The following MVB12B variants were observed in gnomAD, a reference collection of about 807,000 sequenced individuals.
MVB12B encodes the protein ESCRT-I complex subunit MVB12B.
MVB12B carries 16 observed loss-of-function variants against 41.6 expected under a neutral mutation model. That is an observed-to-expected ratio of 0.38 (90% CI 0.26 to 0.58). The LOEUF (loss-of-function observed/expected upper bound fraction) is 0.58, where lower values mean the gene tolerates loss of function less well. Ranked by LOEUF, MVB12B falls within the 20% of genes least tolerant of loss-of-function variation. MVB12B has a pLI of 0.62. For synonymous variants in MVB12B, 133 were observed against 139.7 expected (o/e 0.95, Z 0.34); for missense variants, 274 against 380.2 (o/e 0.72, Z 2.32).
chr9:126,502,817 C>T (rs1462128432), intron 9 of MVB12B, among the ~76,000 whole-genome samples: 1 of 152,202 alleles, frequency 6.6e-6, no homozygotes, highest in Non-Finnish European at 1.5e-5. Flanking sequence ...AAAACTGTCC[C>T]GCTGGGTGGG....
At chr9:126,379,420 G>C (rs1830575985) in intron 2 of MVB12B, among the ~76,000 whole-genome samples, 1 of 152,156 alleles carries the variant, frequency 6.6e-6, no homozygotes, top group African/African-American at 2.4e-5. Context: ...GAGGAGCTGA[G>C]ACCACTGCCT....
chr9:126,367,424 G>A lies in MVB12B; in HGVS notation c.205-13640G>A, dbSNP rs969235484. 1.3e-5 allele frequency among the ~76,000 whole-genome samples: 2 copies of A among 152,020 alleles called. No homozygotes were observed. The highest frequency in any genetic ancestry group is 1.3e-4 in the Admixed American group (2 of 15,270). On this transcript the variant is annotated intron_variant, in intron 2 of 9. Transcript: ENST00000361171. The surrounding 1 kb of genome is among the most constrained non-coding windows in gnomAD (Gnocchi z 4.3). ...CACGCTTCCCACATGTGCCGGGGAG[G>A]ACCCACACCCTGGCCTTTTCTGTCC...
intron 6 of MVB12B, among the ~76,000 whole-genome samples, chr9:126,403,498 T>G (rs74824180): frequency 5.9e-5 from 9 of 152,348 alleles, no homozygotes; most frequent in Non-Finnish European, 1.2e-4. Flanking sequence ...CACAGTTCCC[T>G]GTCATTGCTG....
intron 3 of MVB12B, among the ~76,000 whole-genome samples, chr9:126,383,197 C>A (rs183077642): frequency 4.1e-4 from 62 of 152,256 alleles, no homozygotes; most frequent in African/African-American, 1.5e-3. Flanking sequence ...CTTTGCAGAC[C>A]ATCATTTTTT....
intron 9 of MVB12B, among the ~76,000 whole-genome samples, chr9:126,497,405 G>A (rs1268493205): frequency 2.0e-5 from 3 of 152,134 alleles, no homozygotes; most frequent in Admixed American, 2.0e-4. Context: ...ACGCCCCGCA[G>A]TGTGGTCATT....
intron 6 of MVB12B, among the ~76,000 whole-genome samples, chr9:126,415,804 A>G (rs1353832256): frequency 6.6e-6 from 1 of 152,142 alleles, no homozygotes; most frequent in East Asian, 1.9e-4. Flanking sequence ...GGTGACATGA[A>G]AACAAGTCAG....
chr9:126,342,052 G>A (rs1369133102), intron 2 of MVB12B, among the ~76,000 whole-genome samples: 1 of 152,250 alleles, frequency 6.6e-6, no homozygotes, highest in Non-Finnish European at 1.5e-5. Context: ...TGGTTTGAAT[G>A]TATAACTTTC....
intron 2 of MVB12B, among the ~76,000 whole-genome samples, chr9:126,371,496 A>G (rs1280941762): frequency 6.6e-6 from 1 of 152,152 alleles, no homozygotes; most frequent in African/African-American, 2.4e-5. Flanking sequence ...TTTTGCTGGG[A>G]ATAGGGACCT....
chr9:126,408,457 G>A (rs1428073939), intron 6 of MVB12B: 1 of 152,216 alleles, frequency 6.6e-6, no homozygotes, highest in Non-Finnish European at 1.5e-5. Flanking sequence ...TGCCTGCAGT[G>A]GGCCCAGGCA....
intron 7 of MVB12B, among the ~76,000 whole-genome samples, chr9:126,474,361 C>T (rs1399752096): frequency 6.6e-6 from 1 of 152,178 alleles, no homozygotes; most frequent in Non-Finnish European, 1.5e-5. Flanking sequence ...AACGTGGCTC[C>T]CCAGGAGAAG....
intron 7 of MVB12B, among the ~76,000 whole-genome samples, chr9:126,463,852 C>T (rs1475022310): frequency 6.6e-6 from 1 of 152,082 alleles, no homozygotes; most frequent in African/African-American, 2.4e-5. Flanking sequence ...TTTTTGAAAT[C>T]TTAAGCAAAA....
At chr9:126,498,749 G>GC (rs1307873558) in intron 9 of MVB12B, among the ~76,000 whole-genome samples, 1 of 152,246 alleles carries the variant, frequency 6.6e-6, no homozygotes, top group Non-Finnish European at 1.5e-5. Flanking sequence ...GCTGGGAACA[G>GC]CCCCTTACTG....
rs1012377006 is a variant in MVB12B, at chr9:126,473,723, C to T, written c.758-7646C>T. On this transcript the variant is annotated intron_variant, in intron 7 of 9. Transcript: ENST00000361171. This position sits in a 1 kb window ranked among gnomAD's most constrained non-coding sequence, Gnocchi z 4.0. ...GCTGCTAAACCATCCACAAGAAATC[C>T]TCTCCCCACATAGCTCAGTCATCTC... Among the ~76,000 whole-genome samples the T allele has an allele frequency of 4.6e-5, 7 of 152,362 alleles. No individual in the cohort carries two copies. Among genetic ancestry groups the T allele is most frequent in the East Asian group, 1.9e-4 (1 of 5,190 alleles).
At chr9:126,454,907 G>C (rs1832950933) in intron 7 of MVB12B, among the ~76,000 whole-genome samples, 1 of 151,968 alleles carries the variant, frequency 6.6e-6, no homozygotes, top group Admixed American at 6.6e-5. Flanking sequence ...AGACTCCACT[G>C]ATAGGAATAC....
chr9:126,334,968 A>T (rs923734153), intron 1 of MVB12B, among the ~76,000 whole-genome samples: 6 of 152,112 alleles, frequency 3.9e-5, no homozygotes, highest in African/African-American at 1.2e-4. Flanking sequence ...GTTTATGCAA[A>T]ATCTGTTTGG....
At chr9:126,405,263 C>A (rs927506432) in intron 6 of MVB12B, among the ~76,000 whole-genome samples, 4 of 151,756 alleles carry the variant, frequency 2.6e-5, no homozygotes, top group African/African-American at 9.7e-5. Flanking sequence ...GTTATCGTCC[C>A]GAGAAGCAGG....
chr9:126,341,131 G>C (rs1829434277), intron 2 of MVB12B, among the ~76,000 whole-genome samples: 1 of 152,214 alleles, frequency 6.6e-6, no homozygotes, highest in Non-Finnish European at 1.5e-5. Context: ...GCTCTGAGAA[G>C]TCAAGTAACA....
At chr9:126,331,510 A>G (rs1829130571) in intron 1 of MVB12B, among the ~76,000 whole-genome samples, 1 of 152,220 alleles carries the variant, frequency 6.6e-6, no homozygotes, top group Admixed American at 6.5e-5. Context: ...ATAGATCCAC[A>G]TATTAACTCC....
intron 1 of MVB12B, among the ~76,000 whole-genome samples, chr9:126,338,045 T>C (rs1261953649): frequency 6.6e-6 from 1 of 152,246 alleles, no homozygotes; most frequent in Non-Finnish European, 1.5e-5. Flanking sequence ...GCCCCTGCCA[T>C]GGATATCTTG....
Sources: allele counts gnomAD v4.1 joint callset (sites outside exome capture counted in the v4.1 genomes callset), GRCh38; gene constraint gnomAD v4.1.1; non-coding constraint Gnocchi (gnomAD v3.1); transcripts MANE v1.5; gene names NCBI Gene and HGNC (gene_info 2026-07-23, HGNC 2026-07-21).